GPM6B: variants seen among roughly 807,000 people sequenced by gnomAD.
GPM6B encodes the protein neuronal membrane glycoprotein M6-b.
In GPM6B, 4 loss-of-function variants were observed where a neutral mutation model predicts 27.2. The ratio of observed to expected loss-of-function variants is 0.15; its 90% CI spans 0.07 to 0.34. The LOEUF is 0.34. GPM6B is among the 10% of genes least tolerant of loss of function. The pLI, the probability that GPM6B is intolerant of heterozygous loss-of-function variation, is 1.00. For synonymous variants in GPM6B, 124 were observed against 103.1 expected (o/e 1.20, Z -1.23); for missense variants, 183 against 261.9 (o/e 0.70, Z 2.08).
Position 13,788,184 on chromosome X carries a change from T to G in GPM6B, c.182-2376A>C, listed in dbSNP as rs188021911. 4.6e-3 allele frequency among the ~76,000 whole-genome samples: 510 copies of G among 112,008 alleles called. 4 individuals are homozygous for G. The highest frequency in any genetic ancestry group is 0.015 in the African/African-American group (478 of 30,855). Reference sequence around the variant, plus strand: ...ATTTGATTTTCTATAACCCAGGAGCTGGGTTCTAACTGGGTTTTCTGTTGG... The same window carrying G: ...ATTTGATTTTCTATAACCCAGGAGCGGGGTTCTAACTGGGTTTTCTGTTGG... On this transcript the variant is annotated intron_variant, in intron 2 of 7. Coordinates refer to ENST00000316715, the MANE Select transcript of GPM6B (RefSeq NM_001001995.3).
intron 1 of GPM6B, among the ~76,000 whole-genome samples, chrX:13,854,357 CATGA>C (rs1157147683): frequency 1.8e-5 from 2 of 112,175 alleles, no homozygotes; most frequent in Non-Finnish European, 3.8e-5. Flanking sequence ...CATAGATTTT[CATGA>C]AAGAAAGACT....
At chrX:13,843,735 T>C (rs2049609488) in intron 1 of GPM6B, among the ~76,000 whole-genome samples, 1 of 112,561 alleles carries the variant, frequency 8.9e-6, no homozygotes, top group Admixed American at 9.4e-5. Flanking sequence ...GTAAATTTTT[T>C]AGAGAAATGC....
intron 1 of GPM6B, among the ~76,000 whole-genome samples, chrX:13,932,182 C>T (rs745443525): frequency 4.5e-5 from 5 of 111,019 alleles, no homozygotes; most frequent in Non-Finnish European, 7.5e-5. Flanking sequence ...CACTCCCCCA[C>T]ATTGAGGCCA....
chrX:13,857,422 A>G (rs1159120338), intron 1 of GPM6B, among the ~76,000 whole-genome samples: 1 of 112,356 alleles, frequency 8.9e-6, no homozygotes, highest in Non-Finnish European at 1.9e-5. Flanking sequence ...TGTCATATAT[A>G]ACTTTCCACC....
intron 1 of GPM6B, among the ~76,000 whole-genome samples, chrX:13,835,729 A>AT (rs772166774): frequency 2.1e-4 from 24 of 112,376 alleles, no homozygotes; most frequent in African/African-American, 7.4e-4. Context: ...TCTATACAGG[A>AT]TTTTTTTCCA....
chrX:13,802,845 G>C lies in GPM6B; in HGVS notation c.181+4805C>G, dbSNP rs180704310. On this transcript the variant is annotated intron_variant, in intron 2 of 7. Transcript: ENST00000316715. ...TGAGAGCATCCACTGGCTTAGGCTG[G>C]ATAAGCTACAAAAGCTTCTGCAACC... Among the ~76,000 whole-genome samples the C allele has an allele frequency of 7.1e-3, 791 of 111,575 alleles. 4 individuals are homozygous for C. Among genetic ancestry groups the C allele is most frequent in the Middle Eastern group, 0.014 (3 of 218 alleles).
intron 1 of GPM6B, among the ~76,000 whole-genome samples, chrX:13,887,860 T>C (rs900606179): frequency 4.5e-5 from 5 of 111,756 alleles, no homozygotes; most frequent in East Asian, 2.8e-4. Context: ...CTGATTCCAA[T>C]GTACAGTGAA....
intron 1 of GPM6B, among the ~76,000 whole-genome samples, chrX:13,858,069 AAGG>A (rs2049801911): frequency 8.9e-6 from 1 of 112,405 alleles, no homozygotes; most frequent in Non-Finnish European, 1.9e-5. Context: ...AAGTTGAGGC[AAGG>A]AGGAGCACTG....
intron 2 of GPM6B, among the ~76,000 whole-genome samples, chrX:13,804,985 C>T (rs897988747): frequency 5.4e-5 from 6 of 110,790 alleles, no homozygotes; most frequent in African/African-American, 1.3e-4. Flanking sequence ...CTGTGGCCTG[C>T]GCTGTAGGCT....
In GPM6B at chrX:13,796,487, A is replaced by G. The variant is rs766732729; in HGVS notation, c.182-10679T>C. ...GACCTAACACCCAGAAAGTTCTGTG[A>G]ACCACTAATATAGTGCATTAAAAAG... On this transcript the variant is annotated intron_variant, in intron 2 of 7. Coordinates refer to ENST00000316715, the MANE Select transcript of GPM6B (RefSeq NM_001001995.3). Among the ~76,000 whole-genome samples, 4 of 112,433 alleles carry G rather than the reference A, an allele frequency of 3.6e-5. No individual in the cohort carries two copies. In the South Asian group the frequency reaches 1.5e-3, roughly 42 times the overall value.
At chrX:13,863,715 C>G (rs2049877973) in intron 1 of GPM6B, among the ~76,000 whole-genome samples, 2 of 112,245 alleles carry the variant, frequency 1.8e-5, no homozygotes, top group South Asian at 7.4e-4. Flanking sequence ...GGGAAATTCA[C>G]TCACTTTCTT....
chrX:13,878,519 C>T (rs1332516961), intron 1 of GPM6B, among the ~76,000 whole-genome samples: 1 of 111,864 alleles, frequency 8.9e-6, no homozygotes, highest in East Asian at 2.8e-4. Flanking sequence ...ACATGTATCT[C>T]CTGTAATGCT....
chrX:13,924,295 ATTT>A (rs1310904981), intron 1 of GPM6B, among the ~76,000 whole-genome samples: 2 of 111,198 alleles, frequency 1.8e-5, no homozygotes, highest in Non-Finnish European at 3.8e-5. Context: ...TCGATCCTTT[ATTT>A]TTTATTTTTA....
chrX:13,890,622 A>G (rs997946205), intron 1 of GPM6B, among the ~76,000 whole-genome samples: 3 of 111,242 alleles, frequency 2.7e-5, no homozygotes, highest in African/African-American at 9.8e-5. Context: ...TCTCAGCACC[A>G]TCGATACTTG....
At chrX:13,854,263 T>C (rs1256942788) in intron 1 of GPM6B, among the ~76,000 whole-genome samples, 1 of 111,659 alleles carries the variant, frequency 9.0e-6, no homozygotes, top group African/African-American at 3.3e-5. Context: ...AATTACTATT[T>C]ATTTCAAGCT....
chrX:13,892,262 G>C (rs1221059704), intron 1 of GPM6B, among the ~76,000 whole-genome samples: 1 of 111,683 alleles, frequency 9.0e-6, no homozygotes, highest in Non-Finnish European at 1.9e-5. Context: ...GAATCTCCTA[G>C]GCACAGCTGG....
intron 1 of GPM6B, among the ~76,000 whole-genome samples, chrX:13,865,631 C>T (rs1017496109): frequency 9.7e-6 from 1 of 103,065 alleles, no homozygotes; most frequent in African/African-American, 3.5e-5. Flanking sequence ...GTGGTGCACA[C>T]CTATAGTCCC....
In GPM6B at chrX:13,816,750, A is replaced by G. The variant is rs773721129; in HGVS notation, c.61+94T>C. On this transcript the variant is annotated intron_variant, in intron 1 of 7. Coordinates refer to ENST00000316715, the MANE Select transcript of GPM6B (RefSeq NM_001001995.3). ...GACCATGCCATAGGGATTGTCTCAGAGCCATTTTAAAAGAGAGACAAAACC... is the reference window on the plus strand; with the variant it reads ...GACCATGCCATAGGGATTGTCTCAGGGCCATTTTAAAAGAGAGACAAAACC... 5 of 1,019,223 alleles carry G rather than the reference A, an allele frequency of 4.9e-6. No homozygotes were observed. The African/African-American group carries it at 7.5e-5, about 15-fold the overall frequency. The allele number at this position is 1,019,223 out of a possible 1,213,427, so 84.0% of individuals were successfully genotyped here.
chrX:13,839,532 C>A (rs982631170), intron 1 of GPM6B, among the ~76,000 whole-genome samples: 2 of 111,586 alleles, frequency 1.8e-5, no homozygotes, highest in East Asian at 5.6e-4. Flanking sequence ...CTGGGACCAA[C>A]ATCCATGCCT....
Sources: gnomAD v4.1 joint callset for allele counts (sites outside exome capture counted in the v4.1 genomes callset) on GRCh38, gnomAD v4.1.1 for gene constraint, MANE v1.5 for transcripts, NCBI Gene and HGNC (gene_info 2026-07-23, HGNC 2026-07-21) for gene names.